The following TENM2 variants were observed in gnomAD, a reference collection of about 807,000 sequenced individuals.
The protein encoded by TENM2 is teneurin-2.
TENM2 carries 52 observed loss-of-function variants against 245.2 expected under a neutral mutation model. That is an observed-to-expected ratio of 0.21 (90% CI 0.17 to 0.27). TENM2 has a LOEUF of 0.27. Ranked by LOEUF, TENM2 falls within the 10% of genes least tolerant of loss-of-function variation. The pLI is 1.00. For synonymous variants in TENM2, 1,363 were observed against 1,438.9 expected, an observed-to-expected ratio of 0.95 and a Z score of 1.19; for missense variants, 3,046 against 3,666.8, an observed-to-expected ratio of 0.83 and a Z score of 4.37.
intron 5 of TENM2, 81 bp downstream of exon 7, chr5:167,993,263 C>T: frequency 8.9e-7 from 1 of 1,117,604 alleles, no homozygotes; most frequent in South Asian, 1.4e-5. Flanking sequence ...ATCTAGAGGC[C>T]CTCTGATGTC....
Position 167,762,935 on chromosome 5 carries a change from T to C in TENM2, c.503-113051T>C, listed in dbSNP as rs186850048. 4.6e-5 allele frequency among the ~76,000 whole-genome samples: 7 copies of C among 152,356 alleles called. No individual in the cohort carries two copies. In the East Asian group the frequency reaches 1.2e-3, roughly 25 times the overall value. ...CAGGAAATACTTTACCAAAATTCAATTGAACTGTCAGACTTTTTTTCCCAC... is the reference window on the plus strand; with the variant it reads ...CAGGAAATACTTTACCAAAATTCAACTGAACTGTCAGACTTTTTTTCCCAC... On this transcript the variant is annotated intron_variant, in intron 2 of 28. Coordinates refer to ENST00000518659, the Ensembl canonical transcript of TENM2.
chr5:168,098,117 C>A (rs771160087), exon 9 of TENM2: 8 of 1,612,670 alleles, frequency 5.0e-6, no homozygotes, highest in Non-Finnish European at 5.9e-6. Flanking sequence ...TAGGAGCAGA[C>A]TGTGCTAAAG....
At chr5:167,920,515 T>TCA (rs58866696) in intron 3 of TENM2, among the ~76,000 whole-genome samples, 40,952 of 129,222 alleles carry the variant, frequency 0.32, 6,487 homozygotes, top group Middle Eastern at 0.46. Flanking sequence ...CGAAACTCCA[T>TCA]CACACACACA....
At chr5:168,127,207 A>G (rs1204939204) in intron 12 of TENM2, among the ~76,000 whole-genome samples, 1 of 152,184 alleles carries the variant, frequency 6.6e-6, no homozygotes, top group African/African-American at 2.4e-5. Flanking sequence ...CAAACTTGCA[A>G]TCTCAGGGAG....
the TENM2 span, among the ~76,000 whole-genome samples, chr5:167,114,001 C>T: frequency 5.5e-3 from 834 of 152,296 alleles, 8 homozygotes; most frequent in African/African-American, 0.019. Context: ...CTGTGCTCCT[C>T]TCAAGGGTGT....
chr5:167,513,155 G>T (rs1421331690), intron 2 of TENM2, among the ~76,000 whole-genome samples: 1 of 152,048 alleles, frequency 6.6e-6, no homozygotes, highest in East Asian at 1.9e-4. Flanking sequence ...AATTTAATTG[G>T]ATAGAAAGCA....
chr5:167,367,562 A>T (rs1760134816), intron 1 of TENM2, among the ~76,000 whole-genome samples: 1 of 152,178 alleles, frequency 6.6e-6, no homozygotes, highest in Non-Finnish European at 1.5e-5. Flanking sequence ...ATATACAAGC[A>T]TAAAACATTA....
intron 2 of TENM2, among the ~76,000 whole-genome samples, chr5:167,851,684 CT>C (rs1377790519): frequency 1.3e-5 from 2 of 152,154 alleles, no homozygotes; most frequent in Non-Finnish European, 2.9e-5. Flanking sequence ...AAAAGAAGTC[CT>C]GTAGCCAAGA....
intron 1 of TENM2, among the ~76,000 whole-genome samples, chr5:167,328,675 C>T (rs920077086): frequency 2.0e-5 from 3 of 152,168 alleles, no homozygotes; most frequent in Non-Finnish European, 4.4e-5. Flanking sequence ...TAGCTGTTCC[C>T]TCTAGCTGGA....
chr5:167,883,866 C>T (rs1472455634), intron 3 of TENM2, among the ~76,000 whole-genome samples: 1 of 152,144 alleles, frequency 6.6e-6, no homozygotes, highest in Non-Finnish European at 1.5e-5. Flanking sequence ...TGTCTCAATT[C>T]TTGGGTTGAA....
At chr5:167,135,305 G>A in the TENM2 span, among the ~76,000 whole-genome samples, 264 of 152,002 alleles carry the variant, frequency 1.7e-3, 2 homozygotes, top group Admixed American at 2.6e-3. Flanking sequence ...AGTGAATTGC[G>A]CCCCGAAACA....
intron 2 of TENM2, among the ~76,000 whole-genome samples, chr5:167,389,173 A>G (rs1761614075): frequency 6.6e-6 from 1 of 151,396 alleles, no homozygotes; most frequent in Non-Finnish European, 1.5e-5. Flanking sequence ...TGCATTATTT[A>G]TAGATATACG....
chr5:168,218,555 G>A lies in TENM2; in HGVS notation c.4664G>A (p.Gly1555Asp). ...TCATCCTTAGCTGTAGCTCCAGATG[G>A]TACCATTTACATTGCAGACCTTGGA... The change falls in exon 23 of 29, where the codon GGT (glycine) becomes GAT (aspartate). Residue 1555 changes from glycine to aspartate, a missense_variant. By Grantham distance (94) the Gly-to-Asp change is moderately conservative (BLOSUM62 -1). Around this residue, in one of 2 missense-constraint regions of TENM2, gnomAD observed 2,704 missense variants for 3,331.9 expected, o/e 0.81. Transcript: ENST00000518659. The surrounding 1 kb of genome is among the most constrained non-coding windows in gnomAD (Gnocchi z 5.2). The A allele has an allele frequency of 2.5e-6, 4 of 1,613,978 alleles. No homozygotes were observed. Among genetic ancestry groups the A allele is most frequent in the Non-Finnish European group, 3.4e-6 (4 of 1,179,896 alleles).
chr5:167,759,959 G>T (rs571427296), intron 2 of TENM2, among the ~76,000 whole-genome samples: 1 of 152,280 alleles, frequency 6.6e-6, no homozygotes, highest in South Asian at 2.1e-4. Context: ...TTGCATATTT[G>T]ATAAATATTC....
At chr5:167,678,797 A>G (rs1756511020) in intron 2 of TENM2, among the ~76,000 whole-genome samples, 1 of 151,968 alleles carries the variant, frequency 6.6e-6, no homozygotes, top group Non-Finnish European at 1.5e-5. Flanking sequence ...TCAAATCCGT[A>G]TTTTCTCTAC....
At chr5:167,575,544 C>T (rs1380200073) in intron 2 of TENM2, among the ~76,000 whole-genome samples, 1 of 152,138 alleles carries the variant, frequency 6.6e-6, no homozygotes, top group African/African-American at 2.4e-5. Context: ...TGGGTGCAGC[C>T]TATGAATCCA....
At chr5:168,155,802 T>G (rs775657356) in intron 12 of TENM2, among the ~76,000 whole-genome samples, 1 of 148,850 alleles carries the variant, frequency 6.7e-6, no homozygotes, top group Non-Finnish European at 1.5e-5. Context: ...CTGACAACAA[T>G]TAGTGCCACT....
At chr5:168,255,454 A>G (rs1767564776) in intron 27 of TENM2, among the ~76,000 whole-genome samples, 1 of 151,974 alleles carries the variant, frequency 6.6e-6, no homozygotes, top group Non-Finnish European at 1.5e-5. Flanking sequence ...GGTGCCCACC[A>G]CCAAGCTGAG....
chr5:167,389,694 C>T (rs1053756384), intron 2 of TENM2, among the ~76,000 whole-genome samples: 1 of 152,160 alleles, frequency 6.6e-6, no homozygotes, highest in African/African-American at 2.4e-5. Flanking sequence ...AGAACATACA[C>T]AGTTATGTGA....
Sources: gnomAD v4.1 joint callset for allele counts (sites outside exome capture counted in the v4.1 genomes callset) on GRCh38, gnomAD v4.1.1 for gene constraint, gnomAD v4.1.1 regional missense constraint, Gnocchi (gnomAD v3.1) non-coding constraint, MANE v1.5 for transcripts, NCBI Gene and HGNC (gene_info 2026-07-23, HGNC 2026-07-21) for gene names.